Variants in PTPRQ observed in about 807,000 individuals in gnomAD.
PTPRQ encodes phosphatidylinositol phosphatase PTPRQ.
A neutral mutation model predicts 246.0 loss-of-function variants in PTPRQ; 199 were observed. That is an observed-to-expected ratio of 0.81 (90% CI 0.72 to 0.91). The LOEUF is 0.91. Among genes scored for constraint, PTPRQ ranks in the 40% least tolerant of loss-of-function variants. PTPRQ has a pLI of 0.00. For missense variants in PTPRQ, 2,624 were observed against 2,528.4 expected (o/e 1.04, Z -0.81); for synonymous variants, 869 against 853.2 (o/e 1.02, Z -0.32).
At position 80,602,034 on chromosome 12, in the gene PTPRQ, A is replaced by G. The variant is rs898601663; in HGVS notation, c.4610-3025A>G. Among the ~76,000 whole-genome samples the G allele has an allele frequency of 2.6e-5, 4 of 151,874 alleles. No homozygotes were observed. In the South Asian group the frequency reaches 8.3e-4, roughly 31 times the overall value. On this transcript the variant is annotated intron_variant, in intron 26 of 44. Transcript: ENST00000644991. ...AGCTCATCAAATCGAATCCTGGAGC[A>G]TTCTTTCTTTACCCTCTCCCCTGGA...
chr12:80,624,912 A>G (rs1043210498), intron 33 of PTPRQ, among the ~76,000 whole-genome samples: 13 of 152,086 alleles, frequency 8.5e-5, no homozygotes, highest in Non-Finnish European at 1.5e-5. Context: ...AAATTGTAAA[A>G]CCATATCCTA....
At chr12:80,502,896 G>A (rs1242401065) in intron 14 of PTPRQ, among the ~76,000 whole-genome samples, 1 of 151,836 alleles carries the variant, frequency 6.6e-6, no homozygotes, top group Admixed American at 6.6e-5. Context: ...CCAGGGAACT[G>A]GATAGATCAT....
At chr12:80,645,604 C>G (rs1900044058) in intron 35 of PTPRQ, among the ~76,000 whole-genome samples, 1 of 151,298 alleles carries the variant, frequency 6.6e-6, no homozygotes, top group Non-Finnish European at 1.5e-5. Context: ...ACACTTGTAT[C>G]CTTAATGCAG....
intron 24 of PTPRQ, 182 bp downstream of exon 24, chr12:80,546,879 C>T (rs1221657215): frequency 1.7e-6 from 1 of 603,676 alleles, no homozygotes; most frequent in Non-Finnish European, 2.6e-6. Flanking sequence ...TGTGTTTATA[C>T]ATATATTTTC....
intron 39 of PTPRQ, among the ~76,000 whole-genome samples, chr12:80,666,206 G>GTA (rs200005928): frequency 0.015 from 2,216 of 152,014 alleles, 23 homozygotes; most frequent in Non-Finnish European, 0.024. Flanking sequence ...AAAATATGCT[G>GTA]TATATACGCA....
At chr12:80,519,503 G>T (rs1158475349) in intron 17 of PTPRQ, among the ~76,000 whole-genome samples, 1 of 152,176 alleles carries the variant, frequency 6.6e-6, no homozygotes, top group Non-Finnish European at 1.5e-5. Flanking sequence ...ACTGGGAAGT[G>T]TGCCTCCAGC....
chr12:80,571,794 G>T (rs960766288), intron 25 of PTPRQ, among the ~76,000 whole-genome samples: 13 of 151,564 alleles, frequency 8.6e-5, no homozygotes, highest in African/African-American at 3.1e-4. Flanking sequence ...AATAAACATA[G>T]GTCATAATAA....
intron 25 of PTPRQ, among the ~76,000 whole-genome samples, chr12:80,579,295 A>G (rs1179640561): frequency 1.3e-5 from 2 of 152,290 alleles, no homozygotes; most frequent in East Asian, 3.9e-4. Context: ...CTGCCTTTCA[A>G]TAACACCAAA....
intron 6 of PTPRQ, among the ~76,000 whole-genome samples, chr12:80,462,970 C>G (rs1228107395): frequency 6.6e-6 from 1 of 151,972 alleles, no homozygotes; most frequent in Non-Finnish European, 1.5e-5. Flanking sequence ...CTCTCCTCCT[C>G]CAAAGGATGG....
chr12:80,619,282 A>T, intron 30 of PTPRQ, 102 bp from the exon 31 acceptor site: 1 of 1,309,074 alleles, frequency 7.6e-7, no homozygotes, highest in East Asian at 2.6e-5. Context: ...TATGTTTGTC[A>T]TCACTTTATC....
chr12:80,620,110 CAT>C, intron 31 of PTPRQ, 42 bp from the exon 32 acceptor site: 7 of 1,499,720 alleles, frequency 4.7e-6, no homozygotes, highest in Non-Finnish European at 6.2e-6. Context: ...AAAATATATT[CAT>C]ATGTTACTTG....
At chr12:80,470,223 C>T (rs1428395511) in intron 7 of PTPRQ, among the ~76,000 whole-genome samples, 1 of 152,082 alleles carries the variant, frequency 6.6e-6, no homozygotes, top group Non-Finnish European at 1.5e-5. Context: ...TCAAATGTAG[C>T]CATTGGTTTG....
chr12:80,560,538 T>A (rs1224625198), intron 25 of PTPRQ, among the ~76,000 whole-genome samples: 1 of 152,188 alleles, frequency 6.6e-6, no homozygotes, highest in African/African-American at 2.4e-5. Context: ...ATTAATGATC[T>A]TCTGAAGGCC....
rs773869003 is a variant in PTPRQ, at chr12:80,484,587, G to C, written c.1341G>C (p.Leu447Phe). The change falls in exon 9 of 45, where the codon TTG becomes TTC. Residue 447 changes from leucine (L) to phenylalanine (F), a missense_variant. Transcript: ENST00000644991. ...CAGGAATAATTTTGGAAAATACTTT[G>C]CTCACTGGAAATAATGAGGTATTGC... Reference protein sequence around the residue: ...PETGIILENTLLTGNNEYIND... With the variant: ...PETGIILENTFLTGNNEYIND... 501 of 1,550,034 alleles carry C rather than the reference G, an allele frequency of 3.2e-4. 1 individual carries two copies. The highest frequency in any genetic ancestry group is 6.6e-5 in the Non-Finnish European group (76 of 1,146,568).
chr12:80,516,437 A>G (rs1029600888), intron 17 of PTPRQ, among the ~76,000 whole-genome samples: 4 of 152,186 alleles, frequency 2.6e-5, no homozygotes, highest in Admixed American at 2.6e-4. Flanking sequence ...AGTCTGACAA[A>G]TGTTTATTAA....
At chr12:80,621,250 TA>T (rs1898975605) in intron 32 of PTPRQ, among the ~76,000 whole-genome samples, 2 of 151,922 alleles carry the variant, frequency 1.3e-5, no homozygotes, top group Non-Finnish European at 1.5e-5. Context: ...TGAATAGCTA[TA>T]CACATATGAT....
chr12:80,547,430 C>T (rs189490714), intron 24 of PTPRQ, among the ~76,000 whole-genome samples: 1 of 152,030 alleles, frequency 6.6e-6, no homozygotes, highest in East Asian at 1.9e-4. Flanking sequence ...CTAGTCATTT[C>T]TTCTTATCAG....
chr12:80,547,160 A>G (rs1371963647), intron 24 of PTPRQ: 1 of 154,918 alleles, frequency 6.5e-6, no homozygotes, highest in Non-Finnish European at 1.4e-5. Context: ...CCATCATCCC[A>G]TCTTTACCAT....
chr12:80,616,077 T>TTTTA, intron 29 of PTPRQ, 123 bp from the exon 30 acceptor site: 1 of 476,490 alleles, frequency 2.1e-6, no homozygotes, highest in Non-Finnish European at 2.9e-6. Flanking sequence ...CCATAATCAG[T>TTTTA]TTTATATATA....
Sources: gnomAD v4.1 joint callset for allele counts (sites outside exome capture counted in the v4.1 genomes callset) on GRCh38, gnomAD v4.1.1 for gene constraint, MANE v1.5 for transcripts, NCBI Gene and HGNC (gene_info 2026-07-23, HGNC 2026-07-21) for gene names.